DNM3: variants seen among roughly 807,000 people sequenced by gnomAD.
DNM3 encodes the protein dynamin 3, also known as dynamin-3.
Under a neutral mutation model 101.6 loss-of-function variants are expected in DNM3, and 47 were observed. That is an observed-to-expected ratio of 0.46 (90% CI 0.37 to 0.59). The LOEUF is 0.59. DNM3 is among the 20% of genes least tolerant of loss of function. DNM3 has a pLI of 0.00. For synonymous variants in DNM3, 385 were observed against 387.9 expected (o/e 0.99, Z 0.09); for missense variants, 849 against 1,085.7 (o/e 0.78, Z 3.06).
intron 15 of DNM3, among the ~76,000 whole-genome samples, chr1:172,265,890 C>G (rs1253715880): frequency 6.6e-6 from 1 of 152,078 alleles, no homozygotes; most frequent in Non-Finnish European, 1.5e-5. Flanking sequence ...GTTGTAGAGC[C>G]TTGTTTTCTT....
At chr1:171,990,511 G>A (rs867283031) in intron 4 of DNM3, among the ~76,000 whole-genome samples, 3 of 152,078 alleles carry the variant, frequency 2.0e-5, no homozygotes, top group African/African-American at 7.2e-5. Flanking sequence ...GTGGGAGGAG[G>A]ATGGTTCTCA....
chr1:172,316,317 G>A (rs1430668462), intron 16 of DNM3, among the ~76,000 whole-genome samples: 2 of 151,766 alleles, frequency 1.3e-5, no homozygotes, highest in Non-Finnish European at 2.9e-5. Flanking sequence ...AGACTAGGAA[G>A]GAACTGCATG....
chr1:172,097,881 G>GC (rs2054352529), intron 13 of DNM3, among the ~76,000 whole-genome samples: 1 of 152,118 alleles, frequency 6.6e-6, no homozygotes, highest in Non-Finnish European at 1.5e-5. Context: ...GTTCTGTGAT[G>GC]CCCCCTGAGC....
intron 13 of DNM3, among the ~76,000 whole-genome samples, chr1:172,122,938 T>C (rs1193715649): frequency 6.6e-6 from 1 of 152,136 alleles, no homozygotes; most frequent in South Asian, 2.1e-4. Flanking sequence ...ATTATGTGGA[T>C]TAAAAGAAAT....
At chr1:172,174,922 T>C (rs1323539909) in intron 14 of DNM3, among the ~76,000 whole-genome samples, 1 of 151,758 alleles carries the variant, frequency 6.6e-6, no homozygotes, top group Non-Finnish European at 1.5e-5. Context: ...GCTTTATATC[T>C]TTCAAGAACA....
intron 18 of DNM3, among the ~76,000 whole-genome samples, chr1:172,384,331 C>T (rs12132562): frequency 0.064 from 9,666 of 152,212 alleles, 364 homozygotes; most frequent in South Asian, 0.14. Context: ...GTACCTAATG[C>T]CAATGTAGCC....
chr1:172,340,000 C>A (rs1463102635), intron 17 of DNM3, among the ~76,000 whole-genome samples: 2 of 152,118 alleles, frequency 1.3e-5, no homozygotes, highest in Non-Finnish European at 2.9e-5. Flanking sequence ...TAGTATACTT[C>A]ATCCAGTGCC....
chr1:172,010,555 C>T (rs1268895629), intron 4 of DNM3, among the ~76,000 whole-genome samples: 1 of 144,768 alleles, frequency 6.9e-6, no homozygotes, highest in Non-Finnish European at 1.5e-5. Flanking sequence ...GAGAAGTCTA[C>T]TGTTATTAGT....
At chr1:172,370,051 C>T (rs185626187) in intron 17 of DNM3, 1 of 152,024 alleles carries the variant, frequency 6.6e-6, no homozygotes, top group Non-Finnish European at 1.5e-5. Context: ...AAAACCCCAT[C>T]TCTCAATATA....
chr1:172,374,137 T>A (rs542256709), intron 17 of DNM3, among the ~76,000 whole-genome samples: 1 of 152,128 alleles, frequency 6.6e-6, no homozygotes, highest in East Asian at 1.9e-4. Context: ...AACAAGAAAT[T>A]TGCAACAGCT....
chr1:171,916,632 G>A (rs975950625), intron 1 of DNM3, among the ~76,000 whole-genome samples: 4 of 152,030 alleles, frequency 2.6e-5, no homozygotes, highest in Admixed American at 1.3e-4. Context: ...GACATACACC[G>A]GCTACTGACT....
chr1:172,197,247 A>G (rs933791246), intron 14 of DNM3, among the ~76,000 whole-genome samples: 4 of 151,624 alleles, frequency 2.6e-5, no homozygotes, highest in Admixed American at 6.6e-5. Context: ...CTGGCTTTCT[A>G]TTCTGTTCCA....
At chr1:172,249,787 T>G (rs1162724548) in intron 14 of DNM3, among the ~76,000 whole-genome samples, 1 of 152,188 alleles carries the variant, frequency 6.6e-6, no homozygotes, top group African/African-American at 2.4e-5. Context: ...GCTGTAAATT[T>G]TTGTTTTTCT....
intron 14 of DNM3, among the ~76,000 whole-genome samples, chr1:172,179,036 C>G (rs1240170608): frequency 6.6e-6 from 1 of 151,942 alleles, no homozygotes; most frequent in Non-Finnish European, 1.5e-5. Flanking sequence ...TAGTAGTTAT[C>G]TGTGTGTACT....
intron 14 of DNM3, among the ~76,000 whole-genome samples, chr1:172,179,595 G>T (rs911852156): frequency 9.9e-5 from 15 of 151,700 alleles, no homozygotes; most frequent in Admixed American, 9.2e-4. Context: ...AATGTATACA[G>T]GCAATATTTA....
At chr1:172,169,573 T>A (rs564789379) in intron 14 of DNM3, among the ~76,000 whole-genome samples, 2 of 152,026 alleles carry the variant, frequency 1.3e-5, no homozygotes, top group East Asian at 3.9e-4. Flanking sequence ...CTTAAAAATA[T>A]TGTAGTTAAT....
intron 14 of DNM3, among the ~76,000 whole-genome samples, chr1:172,241,159 T>C (rs571999141): frequency 6.6e-6 from 1 of 152,114 alleles, no homozygotes; most frequent in Admixed American, 6.6e-5. Flanking sequence ...TCAAATGCCA[T>C]CTCTCTCACT....
intron 15 of DNM3, among the ~76,000 whole-genome samples, chr1:172,274,078 G>A (rs540159123): frequency 2.6e-5 from 4 of 152,170 alleles, no homozygotes; most frequent in African/African-American, 9.6e-5. Context: ...TCGTAAAGCA[G>A]ATGGTAAAGA....
chr1:172,243,411 C>T (rs1181935818), intron 14 of DNM3, among the ~76,000 whole-genome samples: 2 of 152,114 alleles, frequency 1.3e-5, no homozygotes, highest in Middle Eastern at 3.2e-3. Flanking sequence ...GGGAGCCCTC[C>T]CATGGGCTTG....
Sources: allele counts gnomAD v4.1 joint callset (sites outside exome capture counted in the v4.1 genomes callset), GRCh38; gene constraint gnomAD v4.1.1; transcripts MANE v1.5; gene names NCBI Gene and HGNC (gene_info 2026-07-23, HGNC 2026-07-21).